The following CSMD3 variants were observed in gnomAD, a reference collection of about 807,000 sequenced individuals.
CSMD3 encodes CUB and Sushi multiple domains 3, also known as CUB and sushi domain-containing protein 3.
Under a neutral mutation model 435.2 loss-of-function variants are expected in CSMD3, and 177 were observed. The observed-to-expected ratio is 0.41, with a 90% CI of 0.36 to 0.46. The LOEUF (loss-of-function observed/expected upper bound fraction) is 0.46. Among genes scored for constraint, CSMD3 ranks in the 20% least tolerant of loss-of-function variants. The pLI is 0.34. For synonymous variants in CSMD3, 1,656 were observed against 1,520.5 expected (o/e 1.09, Z -2.07); for missense variants, 4,265 against 4,504.6 (o/e 0.95, Z 1.52).
chr8:112,348,289 A>G (rs72674722), intron 40 of CSMD3, among the ~76,000 whole-genome samples: 31,158 of 151,978 alleles, frequency 0.21, 3,751 homozygotes, highest in East Asian at 0.4. Flanking sequence ...GTTAGGGACA[A>G]CCATACCTTA....
chr8:113,098,515 C>T, intron 5 of CSMD3: 2 of 494,810 alleles, frequency 4.0e-6, no homozygotes, highest in Non-Finnish European at 7.3e-6. Flanking sequence ...CTAAAAAACA[C>T]AACTGTAGAT....
At position 112,383,585 on chromosome 8, in the gene CSMD3, T is replaced by C. The variant is rs1464632398; in HGVS notation, c.6013A>G (p.Arg2005Gly). 3.2e-6 allele frequency: 5 copies of C among 1,585,072 alleles called. No homozygotes were observed. In the Middle Eastern group the frequency reaches 5.0e-4, roughly 158 times the overall value. The change falls in exon 37 of 71, where the codon AGA (arginine) becomes GGA (glycine). Residue 2005 changes from arginine (R) to glycine (G), a missense_variant. Around this residue, in one of 3 missense-constraint regions of CSMD3, gnomAD observed 3,255 missense variants for 3,380.2 expected, o/e 0.96. Transcript: ENST00000297405. ...TATTTACCTGAATAGCTTCCAAGTC[T>C]TGGAGCATTGTTGTCTCCCCCATCA... ...FYDGGDNNAP[R>G]LGSYSGTTIP...
chr8:112,805,402 A>G (rs2079060940), intron 12 of CSMD3, among the ~76,000 whole-genome samples: 1 of 109,760 alleles, frequency 9.1e-6, no homozygotes, highest in Admixed American at 1.0e-4. Flanking sequence ...TTTACAAAAA[A>G]CATAAGCAAT....
intron 3 of CSMD3, among the ~76,000 whole-genome samples, chr8:113,223,902 A>G (rs1404291852): frequency 6.6e-6 from 1 of 151,068 alleles, no homozygotes; most frequent in East Asian, 1.9e-4. Context: ...CAAGTATACA[A>G]GTAATTCCAA....
intron 11 of CSMD3, among the ~76,000 whole-genome samples, chr8:112,836,719 G>A (rs150035855): frequency 1.7e-4 from 26 of 151,922 alleles, no homozygotes; most frequent in Middle Eastern, 6.8e-3. Context: ...TTCTGTGTGC[G>A]TGGGGCTTGC....
chr8:112,902,530 AT>A (rs1398368689), intron 10 of CSMD3, among the ~76,000 whole-genome samples: 9 of 151,286 alleles, frequency 5.9e-5, no homozygotes, highest in African/African-American at 2.2e-4. Context: ...ACTTCTAAAT[AT>A]ATGAACCTGG....
chr8:112,268,850 C>T (rs1040490835), intron 59 of CSMD3, among the ~76,000 whole-genome samples: 6 of 152,130 alleles, frequency 3.9e-5, no homozygotes, highest in Admixed American at 3.9e-4. Context: ...ACACAATCTC[C>T]ACATTCAAAA....
intron 18 of CSMD3, among the ~76,000 whole-genome samples, chr8:112,654,246 A>T (rs2131649073): frequency 6.6e-6 from 1 of 152,284 alleles, no homozygotes; most frequent in East Asian, 1.9e-4. Flanking sequence ...TCATTTGAAA[A>T]AGATAGTTTA....
intron 38 of CSMD3, among the ~76,000 whole-genome samples, chr8:112,354,792 C>A (rs1826439644): frequency 6.6e-6 from 1 of 152,262 alleles, no homozygotes; most frequent in African/African-American, 2.4e-5. Flanking sequence ...TCTACAGATT[C>A]AATGCTATTT....
intron 25 of CSMD3, 23 bp from the exon 26 acceptor site, chr8:112,552,743 T>A (rs1827796337): frequency 1.2e-6 from 2 of 1,605,406 alleles, no homozygotes; most frequent in South Asian, 2.2e-5. Context: ...AATAGAAATT[T>A]AAGCCACAAT....
At chr8:112,560,436 A>G (rs1828518296) in intron 24 of CSMD3, among the ~76,000 whole-genome samples, 1 of 151,750 alleles carries the variant, frequency 6.6e-6, no homozygotes, top group African/African-American at 2.4e-5. Flanking sequence ...ATGCTCAGTA[A>G]TGTTCATGAT....
At chr8:112,870,736 A>G (rs1271490106) in intron 10 of CSMD3, among the ~76,000 whole-genome samples, 1 of 152,162 alleles carries the variant, frequency 6.6e-6, no homozygotes, top group Non-Finnish European at 1.5e-5. Flanking sequence ...ATTAATCCAT[A>G]TTCTGTTTGA....
intron 11 of CSMD3, among the ~76,000 whole-genome samples, chr8:112,837,981 A>G (rs1444420072): frequency 6.6e-6 from 1 of 151,780 alleles, no homozygotes; most frequent in Admixed American, 6.6e-5. Context: ...TACATTCTAT[A>G]CCTTGGCAAT....
At chr8:112,773,909 G>A (rs1007003601) in intron 13 of CSMD3, among the ~76,000 whole-genome samples, 1 of 152,004 alleles carries the variant, frequency 6.6e-6, no homozygotes, top group African/African-American at 2.4e-5. Context: ...TTTTAGGAAA[G>A]CAAGATATAG....
At chr8:112,980,132 ACCTC>A (rs1250041887) in intron 6 of CSMD3, among the ~76,000 whole-genome samples, 1 of 150,626 alleles carries the variant, frequency 6.6e-6, no homozygotes, top group Non-Finnish European at 1.5e-5. Flanking sequence ...ACCAAATAAT[ACCTC>A]ATGATAGAAT....
In CSMD3 at chr8:112,668,139, T is replaced by G. The variant is rs112168335; in HGVS notation, c.2678-1724A>C. On this transcript the variant is annotated intron_variant, in intron 16 of 70. Transcript: ENST00000297405. ...ACTAAGTTTTCTTCCTTAATAGAAT[T>G]TAATTTTGTTTCCTAAAAAGCTAGT... Among the ~76,000 whole-genome samples the G allele has an allele frequency of 3.0e-3, 459 of 152,246 alleles. 1 individual carries two copies. Among genetic ancestry groups the G allele is most frequent in the African/African-American group, 0.01 (426 of 41,564 alleles).
chr8:112,797,778 T>C (rs1192294545), intron 13 of CSMD3, among the ~76,000 whole-genome samples: 1 of 151,820 alleles, frequency 6.6e-6, no homozygotes, highest in Non-Finnish European at 1.5e-5. Context: ...TGAACCCTAC[T>C]TCAACTATGA....
intron 30 of CSMD3, among the ~76,000 whole-genome samples, chr8:112,496,575 A>C (rs1239827145): frequency 6.6e-6 from 1 of 152,188 alleles, no homozygotes. Flanking sequence ...CAACAGACAA[A>C]TGCATAAAAA....
intron 2 of CSMD3, among the ~76,000 whole-genome samples, chr8:113,299,843 A>AATTAGCT (rs1182903152): frequency 6.6e-6 from 1 of 152,068 alleles, no homozygotes; most frequent in Non-Finnish European, 1.5e-5. Flanking sequence ...AAAATACAAA[A>AATTAGCT]ATTAGCTAGG....
Sources: allele counts gnomAD v4.1 joint callset (sites outside exome capture counted in the v4.1 genomes callset), GRCh38; gene constraint gnomAD v4.1.1; regional missense constraint gnomAD v4.1.1; transcripts MANE v1.5; gene names NCBI Gene and HGNC (gene_info 2026-07-23, HGNC 2026-07-21).